SLIT2: variants seen among roughly 807,000 people sequenced by gnomAD.
SLIT2 encodes the protein slit guidance ligand 2.
A neutral mutation model predicts 185.7 loss-of-function variants in SLIT2; 41 were observed. The observed-to-expected ratio is 0.22, with a 90% confidence interval of 0.17 to 0.29. The LOEUF is 0.29. SLIT2 is among the 10% of genes least tolerant of loss of function. SLIT2 has a pLI of 1.00. For synonymous variants in SLIT2, 693 were observed against 680.2 expected (o/e 1.02, Z -0.29); for missense variants, 1,571 against 1,909.0 (o/e 0.82, Z 3.30).
At chr4:20,439,526 C>A (rs916551838) in intron 4 of SLIT2, among the ~76,000 whole-genome samples, 2 of 152,106 alleles carry the variant, frequency 1.3e-5, no homozygotes, top group Admixed American at 1.3e-4. Flanking sequence ...GCTCTGTGTC[C>A]GAATTATCCC....
At chr4:20,473,383 G>T (rs1396541518) in intron 5 of SLIT2, among the ~76,000 whole-genome samples, 1 of 151,874 alleles carries the variant, frequency 6.6e-6, no homozygotes, top group African/African-American at 2.4e-5. Flanking sequence ...GTCAGTAGAT[G>T]ATTCAGTATG....
intron 4 of SLIT2, among the ~76,000 whole-genome samples, chr4:20,438,991 T>C (rs1233371061): frequency 6.6e-6 from 1 of 152,244 alleles, no homozygotes; most frequent in Non-Finnish European, 1.5e-5. Context: ...ACTTATCTGC[T>C]GTTGTCTCTC....
intron 4 of SLIT2, among the ~76,000 whole-genome samples, chr4:20,284,389 T>G (rs1452772042): frequency 6.6e-6 from 1 of 152,216 alleles, no homozygotes. Flanking sequence ...TTATACATTC[T>G]GTGAGGGTTT....
intron 4 of SLIT2, among the ~76,000 whole-genome samples, chr4:20,308,471 G>A (rs1386042112): frequency 6.6e-6 from 1 of 152,182 alleles, no homozygotes; most frequent in Non-Finnish European, 1.5e-5. Context: ...GGGAAACAAC[G>A]TGGTATAGAA....
At chr4:20,321,639 C>T (rs1184750706) in intron 4 of SLIT2, among the ~76,000 whole-genome samples, 1 of 152,198 alleles carries the variant, frequency 6.6e-6, no homozygotes, top group Non-Finnish European at 1.5e-5. Context: ...TGCATTGGAA[C>T]CATGCGGGAA....
intron 4 of SLIT2, among the ~76,000 whole-genome samples, chr4:20,462,426 C>T (rs1397642600): frequency 3.9e-5 from 6 of 152,174 alleles, no homozygotes; most frequent in Non-Finnish European, 8.8e-5. Context: ...TTAGCATGCT[C>T]CTCTTTTCCA....
At chr4:20,374,311 T>C (rs935403716) in intron 4 of SLIT2, among the ~76,000 whole-genome samples, 6 of 152,140 alleles carry the variant, frequency 3.9e-5, no homozygotes, top group African/African-American at 1.4e-4. Context: ...TGAGTTACTT[T>C]TTCCTAGCCT....
chr4:20,332,828 A>G (rs1210474277), intron 4 of SLIT2, among the ~76,000 whole-genome samples: 2 of 152,150 alleles, frequency 1.3e-5, no homozygotes, highest in African/African-American at 4.8e-5. Flanking sequence ...TCTTGAGTAA[A>G]GGACTTCAAA....
rs1717055974 is a variant in SLIT2 at position 20,484,878 on chromosome 4, T to C, written c.540-1322T>C. Among the ~76,000 whole-genome samples, 1 of 152,130 alleles carries C rather than the reference T, an allele frequency of 6.6e-6. No individual in the cohort carries two copies. The highest frequency in any genetic ancestry group is 1.5e-5 in the Non-Finnish European group (1 of 68,002). On this transcript the variant is annotated intron_variant, in intron 6 of 36. Coordinates refer to ENST00000504154, the MANE Select transcript of SLIT2 (RefSeq NM_004787.4). This position sits in a 1 kb window ranked among gnomAD's most constrained non-coding sequence, Gnocchi z 4.3. ...TATCATTGCTAGCTTACCATATTCT[T>C]CACATTCCCCAAATGTCTGCTTTCT...
chr4:20,528,968 A>G lies in SLIT2; in HGVS notation c.1482A>G (p.Ser494=), dbSNP rs1014756608. 2 of 1,613,830 alleles carry G rather than the reference A, an allele frequency of 1.2e-6. No homozygotes were observed. Among genetic ancestry groups the G allele is most frequent in the African/African-American group, 2.7e-5 (2 of 74,918 alleles). The change falls in exon 16 of 37, where the codon TCA becomes TCG. Residue 494 remains serine, a synonymous_variant. Coordinates refer to ENST00000504154, the MANE Select transcript of SLIT2 (RefSeq NM_004787.4). The surrounding 1 kb of genome is among the most constrained non-coding windows in gnomAD (Gnocchi z 4.2). ...YFIPGTEDYR[S]KLSGDCFADL... is the part of the protein sequence containing the mutation. ...CAATAGGTACAGAAGATTATCGATC[A>G]AAATTAAGTGGAGACTGCTTTGCGG...
At chr4:20,375,616 C>T (rs1723951579) in intron 4 of SLIT2, among the ~76,000 whole-genome samples, 3 of 152,000 alleles carry the variant, frequency 2.0e-5, no homozygotes, top group African/African-American at 4.8e-5. Flanking sequence ...TCTTGACCTT[C>T]ATTTTCTCAT....
chr4:20,596,379 C>T (rs375171913), intron 31 of SLIT2, 36 bp from the exon 32 acceptor site: 31 of 1,597,590 alleles, frequency 1.9e-5, no homozygotes, highest in African/African-American at 1.6e-4. Context: ...TAAGTAAAAT[C>T]GTATTAACTA....
At chr4:20,459,142 A>G (rs1300566502) in intron 4 of SLIT2, among the ~76,000 whole-genome samples, 1 of 152,172 alleles carries the variant, frequency 6.6e-6, no homozygotes, top group Non-Finnish European at 1.5e-5. Context: ...GAAAAAAAAA[A>G]ACAGTTTTGG....
chr4:20,472,338 C>CTATATAGATATCTATATATCTA (rs1715285414), intron 5 of SLIT2, among the ~76,000 whole-genome samples: 1 of 17,140 alleles, frequency 5.8e-5, no homozygotes, highest in African/African-American at 2.9e-4. Flanking sequence ...ATATATAGAT[C>CTATATAGATATCTATATATCTA]TATATATAGA....
chr4:20,376,899 C>T (rs1458115769), intron 4 of SLIT2, among the ~76,000 whole-genome samples: 2 of 150,356 alleles, frequency 1.3e-5, no homozygotes, highest in African/African-American at 4.9e-5. Context: ...AGAGGGAGAG[C>T]TTTAGGAGAA....
At chr4:20,273,109 TAATC>T (rs1261878211) in intron 4 of SLIT2, among the ~76,000 whole-genome samples, 3 of 152,112 alleles carry the variant, frequency 2.0e-5, no homozygotes, top group Non-Finnish European at 2.9e-5. Flanking sequence ...TTTATTAAGG[TAATC>T]AATTAATTTG....
At chr4:20,500,996 T>A (rs1208959337) in intron 9 of SLIT2, among the ~76,000 whole-genome samples, 1 of 152,286 alleles carries the variant, frequency 6.6e-6, no homozygotes, top group East Asian at 1.9e-4. Context: ...TGCTAATATA[T>A]ATATGGTTAG....
chr4:20,451,999 A>T (rs17610727), intron 4 of SLIT2, among the ~76,000 whole-genome samples: 1 of 152,046 alleles, frequency 6.6e-6, no homozygotes. Context: ...GTTAAAAGTA[A>T]ATTTTGTCTC....
chr4:20,252,566 A>G lies in SLIT2; in HGVS notation c.-1250A>G, dbSNP rs576752566. Among the ~76,000 whole-genome samples, 1 of 151,426 alleles carries G rather than the reference A, an allele frequency of 6.6e-6. No homozygotes were observed. The highest frequency in any genetic ancestry group is 2.0e-4 in the East Asian group (1 of 4,950). On this transcript the variant is annotated 5_prime_UTR_variant, in exon 1 of 37. Coordinates refer to ENST00000504154, the MANE Select transcript of SLIT2 (RefSeq NM_004787.4). ...TGCTGCACTTTGAGAAGGACGAACC[A>G]CTAGTGGGAGACCGCCGGGGGCCGG...
Sources: gnomAD v4.1 joint callset for allele counts (sites outside exome capture counted in the v4.1 genomes callset) on GRCh38, gnomAD v4.1.1 for gene constraint, Gnocchi (gnomAD v3.1) non-coding constraint, MANE v1.5 for transcripts, NCBI Gene and HGNC (gene_info 2026-07-23, HGNC 2026-07-21) for gene names.